MALRD1: variants seen among roughly 807,000 people sequenced by gnomAD.
The protein encoded by MALRD1 is MAM and LDL receptor class A domain containing 1, also known as MAM and LDL-receptor class A domain-containing protein 1.
A neutral mutation model predicts 242.1 loss-of-function variants in MALRD1; 247 were observed. The observed-to-expected ratio is 1.02, with a 90% CI of 0.92 to 1.13. MALRD1 has a LOEUF of 1.13. Ranked by LOEUF, MALRD1 falls within the 50% of genes most tolerant of loss-of-function variation. The pLI is 0.00. For synonymous variants in MALRD1, 995 were observed against 866.6 expected, an observed-to-expected ratio of 1.15 and a Z score of -2.60; for missense variants, 2,989 against 2,533.1, an observed-to-expected ratio of 1.18 and a Z score of -3.86.
Position 19,292,063 on chromosome 10 carries a change from A to T in MALRD1, c.3419+8882A>T, listed in dbSNP as rs545451287. Among the ~76,000 whole-genome samples the T allele has an allele frequency of 2.6e-4, 37 of 141,298 alleles. No individual in the cohort carries two copies. The East Asian group carries it at 7.8e-3, about 30-fold the overall frequency. The allele number at this position is 141,298 out of a possible 152,430, so 92.7% of individuals were successfully genotyped here. On this transcript the variant is annotated intron_variant, in intron 21 of 39. Coordinates refer to ENST00000454679, the MANE Select transcript of MALRD1 (RefSeq NM_001142308.3). ...GTGCCACTGCACTCCAGCCTGGATGACAGAGCAAGACCGTCTCAAAAAAAA... is the reference window on the plus strand; with the variant it reads ...GTGCCACTGCACTCCAGCCTGGATGTCAGAGCAAGACCGTCTCAAAAAAAA...
intron 18 of MALRD1, among the ~76,000 whole-genome samples, chr10:19,234,462 TAG>T (rs1346689766): frequency 6.6e-6 from 1 of 152,116 alleles, no homozygotes; most frequent in Non-Finnish European, 1.5e-5. Context: ...TCTACTCTAA[TAG>T]AGATAGTCAT....
chr10:19,691,397 A>G (rs1468056270), intron 36 of MALRD1, among the ~76,000 whole-genome samples: 1 of 152,100 alleles, frequency 6.6e-6, no homozygotes, highest in African/African-American at 2.4e-5. Flanking sequence ...TGAAAATTCA[A>G]TACATTGTAC....
At chr10:19,606,527 A>G (rs1337882800) in intron 34 of MALRD1, among the ~76,000 whole-genome samples, 2 of 152,152 alleles carry the variant, frequency 1.3e-5, no homozygotes, top group East Asian at 1.9e-4. Flanking sequence ...AGTATAGATC[A>G]ATACCATTAT....
chr10:19,525,879 T>G (rs1306903695), intron 31 of MALRD1, among the ~76,000 whole-genome samples: 2 of 152,188 alleles, frequency 1.3e-5, no homozygotes, highest in Non-Finnish European at 2.9e-5. Flanking sequence ...TAAGTAGCTT[T>G]TGAAATGGCA....
chr10:19,476,402 G>A (rs1156769870), intron 29 of MALRD1, among the ~76,000 whole-genome samples: 1 of 152,054 alleles, frequency 6.6e-6, no homozygotes, highest in East Asian at 1.9e-4. Flanking sequence ...GTCCCTCTCT[G>A]AGCTACACCC....
chr10:19,146,246 C>T lies in MALRD1; in HGVS notation c.1460C>T (p.Pro487Leu). Reference sequence around the variant, plus strand: ...GAGTCGGGTTTCTGCGGTTGGGAGCCATTTCTCACAGAAGATTCACACTGG... The same window carrying T: ...GAGTCGGGTTTCTGCGGTTGGGAGCTATTTCTCACAGAAGATTCACACTGG... ...DFESGFCGWE[P>L]FLTEDSHWKL... The change falls in exon 11 of 40, where the codon CCA (proline) becomes CTA (leucine). Residue 487 changes from proline (P) to leucine (L), a missense_variant. Pro to Leu is a moderately conservative substitution (Grantham distance 98, BLOSUM62 -3). Coordinates refer to ENST00000454679, the MANE Select transcript of MALRD1 (RefSeq NM_001142308.3). The T allele has an allele frequency of 1.6e-6, 2 of 1,231,622 alleles. No homozygotes were observed. The allele number at this position is 1,231,622 out of a possible 1,614,324, so 76.3% of individuals were successfully genotyped here.
chr10:19,098,352 A>G (rs1292370682), intron 4 of MALRD1, among the ~76,000 whole-genome samples: 1 of 152,198 alleles, frequency 6.6e-6, no homozygotes, highest in Non-Finnish European at 1.5e-5. Context: ...TATTTCATCG[A>G]GAAATGCTGA....
rs1837817926 is a variant in MALRD1 at position 19,226,736 on chromosome 10, A to G, written c.2991+17056A>G. 2.0e-5 allele frequency among the ~76,000 whole-genome samples: 3 copies of G among 152,066 alleles called. No homozygotes were observed. In the South Asian group the frequency reaches 6.2e-4, roughly 31 times the overall value. Reference sequence around the variant, plus strand: ...CCCAAGTTGGGAAGAAAGAAAAATAATATTCTCATGTGATGTAAACATATA... The same window carrying G: ...CCCAAGTTGGGAAGAAAGAAAAATAGTATTCTCATGTGATGTAAACATATA... On this transcript the variant is annotated intron_variant, in intron 18 of 39. Coordinates refer to ENST00000454679, the MANE Select transcript of MALRD1 (RefSeq NM_001142308.3).
chr10:19,186,884 AG>A (rs1194197952), intron 14 of MALRD1, among the ~76,000 whole-genome samples: 1 of 152,226 alleles, frequency 6.6e-6, no homozygotes, highest in African/African-American at 2.4e-5. Context: ...TGTGTGTGAT[AG>A]GTAAAAAAGG....
chr10:19,245,657 G>A (rs1330526896), intron 18 of MALRD1, among the ~76,000 whole-genome samples: 1 of 152,088 alleles, frequency 6.6e-6, no homozygotes, highest in African/African-American at 2.4e-5. Context: ...TAGATTAGTA[G>A]CTCTTAAATT....
intron 21 of MALRD1, among the ~76,000 whole-genome samples, chr10:19,297,953 A>G (rs965080859): frequency 6.6e-6 from 1 of 152,064 alleles, no homozygotes; most frequent in Non-Finnish European, 1.5e-5. Context: ...TTATTTTATT[A>G]TATAAAATCT....
At chr10:19,263,627 A>G (rs1184955633) in intron 19 of MALRD1, among the ~76,000 whole-genome samples, 1 of 152,134 alleles carries the variant, frequency 6.6e-6, no homozygotes, top group African/African-American at 2.4e-5. Context: ...GTAAGATAAG[A>G]GCCCAATTTC....
At chr10:19,527,603 A>C (rs1834162961) in intron 31 of MALRD1, among the ~76,000 whole-genome samples, 3 of 152,200 alleles carry the variant, frequency 2.0e-5, no homozygotes, top group African/African-American at 7.2e-5. Context: ...GAAGTACATT[A>C]GTTATCATTA....
At chr10:19,082,187 A>G (rs1456457440) in intron 2 of MALRD1, among the ~76,000 whole-genome samples, 3 of 151,250 alleles carry the variant, frequency 2.0e-5, no homozygotes, top group African/African-American at 7.3e-5. Flanking sequence ...TTTTTGAATT[A>G]TTTTATTAGT....
chr10:19,691,762 A>C (rs1356836701), intron 36 of MALRD1, among the ~76,000 whole-genome samples: 1 of 152,172 alleles, frequency 6.6e-6, no homozygotes, highest in Non-Finnish European at 1.5e-5. Flanking sequence ...AGAATTTACT[A>C]GTACATCAAA....
intron 31 of MALRD1, among the ~76,000 whole-genome samples, chr10:19,527,691 G>A (rs569173467): frequency 1.4e-4 from 21 of 152,086 alleles, no homozygotes; most frequent in African/African-American, 4.6e-4. Context: ...TAACTATTTG[G>A]GACAAAGTCA....
At chr10:19,696,900 A>G (rs984562800) in intron 38 of MALRD1, among the ~76,000 whole-genome samples, 1 of 152,154 alleles carries the variant, frequency 6.6e-6, no homozygotes, top group African/African-American at 2.4e-5. Context: ...TGGGTGACAA[A>G]GTGAGACTCC....
chr10:19,334,022 C>T (rs961526726), intron 24 of MALRD1, among the ~76,000 whole-genome samples: 6 of 147,578 alleles, frequency 4.1e-5, no homozygotes, highest in Non-Finnish European at 5.9e-5. Context: ...TGACTAAATT[C>T]TTTATGGATT....
chr10:19,271,271 A>G (rs1367034157), intron 19 of MALRD1, among the ~76,000 whole-genome samples: 1 of 152,234 alleles, frequency 6.6e-6, no homozygotes, highest in South Asian at 2.1e-4. Flanking sequence ...CTGAATTACA[A>G]TATACACATT....
Sources: gnomAD v4.1 joint callset for allele counts (sites outside exome capture counted in the v4.1 genomes callset) on GRCh38, gnomAD v4.1.1 for gene constraint, MANE v1.5 for transcripts, NCBI Gene and HGNC (gene_info 2026-07-23, HGNC 2026-07-21) for gene names.